Variants in CCDC88A observed in about 807,000 individuals in gnomAD.
CCDC88A encodes the protein coiled-coil and HOOK domain protein 88A.
CCDC88A carries 54 observed loss-of-function variants against 234.3 expected under a neutral mutation model. That is an observed-to-expected ratio of 0.23 (90% CI 0.19 to 0.29). CCDC88A has a LOEUF of 0.29. Ranked by LOEUF, CCDC88A falls within the 10% of genes least tolerant of loss-of-function variation. CCDC88A has a pLI of 1.00. For synonymous variants in CCDC88A, 753 were observed against 737.8 expected, an observed-to-expected ratio of 1.02 and a Z score of -0.33; for missense variants, 1,832 against 2,123.4, an observed-to-expected ratio of 0.86 and a Z score of 2.70.
chr2:55,291,812 G>C, intron 31 of CCDC88A, 37 bp from the exon 32 acceptor site: 1 of 1,508,274 alleles, frequency 6.6e-7, no homozygotes. Context: ...TTTAGTCAAA[G>C]ATGAAACAAA....
chr2:55,365,625 T>C (rs1671840954), intron 5 of CCDC88A, among the ~76,000 whole-genome samples: 1 of 152,188 alleles, frequency 6.6e-6, no homozygotes, highest in Admixed American at 6.6e-5. Flanking sequence ...ATGAAAATTT[T>C]CCCTTTACTC....
chr2:55,417,633 A>G (rs993799445), intron 2 of CCDC88A: 3 of 152,040 alleles, frequency 2.0e-5, no homozygotes, highest in African/African-American at 7.2e-5. Context: ...CACTGGTTGA[A>G]AATGTATAAT....
intron 11 of CCDC88A, 65 bp from the exon 12 acceptor site, chr2:55,343,857 C>G (rs1438734877): frequency 3.1e-6 from 4 of 1,273,430 alleles, no homozygotes; most frequent in Non-Finnish European, 4.3e-6. Flanking sequence ...TGAGCAAATA[C>G]TTTATTTCTC....
chr2:55,345,638 C>G (rs890461634), intron 10 of CCDC88A: 2 of 152,522 alleles, frequency 1.3e-5, no homozygotes, highest in African/African-American at 4.8e-5. Flanking sequence ...CTCAGGTGAT[C>G]TACCCACCTT....
chr2:55,387,207 T>C (rs908561958), intron 3 of CCDC88A, among the ~76,000 whole-genome samples: 2 of 141,030 alleles, frequency 1.4e-5, no homozygotes, highest in African/African-American at 5.3e-5. Context: ...AAAAGAAACA[T>C]TGGTTTTATT....
At position 55,335,370 on chromosome 2, in the gene CCDC88A, G is replaced by C. The variant is rs550829335; in HGVS notation, c.1657-206C>G. Reference sequence around the variant, plus strand: ...GAAGACCACTGTGTACACTTACTGTGAGGTCATTAAAGTTCATGTTTTTAG... The same window carrying C: ...GAAGACCACTGTGTACACTTACTGTCAGGTCATTAAAGTTCATGTTTTTAG... On this transcript the variant is annotated intron_variant, in intron 14 of 32. Transcript: ENST00000436346. The surrounding 1 kb of genome is among the most constrained non-coding windows in gnomAD (Gnocchi z 4.5). 9.3e-6 allele frequency among the ~76,000 whole-genome samples: 1 copy of C among 107,904 alleles called. No homozygotes were observed. Among genetic ancestry groups the C allele is most frequent in the Non-Finnish European group, 1.9e-5 (1 of 53,120 alleles). The allele number at this position is 107,904 out of a possible 152,430, so 70.8% of individuals were successfully genotyped here. A position where few individuals can be genotyped will look rare whatever the true frequency, so the allele number is the denominator to read the frequency against.
rs1685027014 is a variant in CCDC88A at position 55,332,412 on chromosome 2, G to A, written c.2855+154C>T. On this transcript the variant is annotated intron_variant, in intron 16 of 32. Coordinates refer to ENST00000436346, the MANE Select transcript of CCDC88A (RefSeq NM_001365480.1). This position sits in a 1 kb window ranked among gnomAD's most constrained non-coding sequence, Gnocchi z 4.5. ...GCTGGGATTATAGGTGTGAGCCACC[G>A]CACCCGGCTACAGAACTTTCCTTAA... The A allele has an allele frequency of 6.2e-6, 8 of 1,297,724 alleles. No homozygotes were observed. Among genetic ancestry groups the A allele is most frequent in the Non-Finnish European group, 6.9e-6 (7 of 1,017,788 alleles). 80.4% of individuals were successfully genotyped at this position (1,297,724 alleles called of 1,614,324 possible). A position where few individuals can be genotyped will look rare whatever the true frequency, so the allele number is the denominator to read the frequency against.
chr2:55,413,333 A>T (rs1558852456), intron 2 of CCDC88A, among the ~76,000 whole-genome samples: 1 of 152,194 alleles, frequency 6.6e-6, no homozygotes, highest in African/African-American at 2.4e-5. Context: ...CTGGGGATAT[A>T]GTGGGTCAAC....
intron 15 of CCDC88A, among the ~76,000 whole-genome samples, chr2:55,333,439 G>C (rs943704880): frequency 6.6e-6 from 1 of 152,168 alleles, no homozygotes; most frequent in Non-Finnish European, 1.5e-5. Flanking sequence ...TAGTTGCTCA[G>C]TGTTGAATGG....
chr2:55,398,149 C>A, intron 2 of CCDC88A, among the ~76,000 whole-genome samples: 1 of 152,144 alleles, frequency 6.6e-6, no homozygotes, highest in East Asian at 1.9e-4. Context: ...TGCTTTGTGT[C>A]TACAAATCTA....
intron 2 of CCDC88A, among the ~76,000 whole-genome samples, chr2:55,416,431 A>ATATATATAT (rs60338557): frequency 4.3e-5 from 2 of 46,074 alleles, no homozygotes; most frequent in Non-Finnish European, 5.5e-5. Flanking sequence ...AGGTCAAATA[A>ATATATATAT]ATAAATAAAT....
In CCDC88A at chr2:55,362,379, T is replaced by A. The variant is rs759474528; in HGVS notation, c.556A>T (p.Ile186Leu). 1 of 1,605,620 alleles carries A rather than the reference T, an allele frequency of 6.2e-7. No individual in the cohort carries two copies. The highest frequency in any genetic ancestry group is 8.5e-7 in the Non-Finnish European group (1 of 1,176,652). Residue 186 changes from isoleucine to leucine, a missense_variant, in exon 7 of 33, where the codon ATA (isoleucine) becomes TTA (leucine). Physicochemically the swap from Ile to Leu is conservative, Grantham distance 5. Coordinates refer to ENST00000436346, the MANE Select transcript of CCDC88A (RefSeq NM_001365480.1). Reference sequence around the variant, plus strand: ...GCCATATTTTTCAAGAGTGGTTCTATGTCCTCCTGCGACATATCAGTCACT... The same window carrying A: ...GCCATATTTTTCAAGAGTGGTTCTAAGTCCTCCTGCGACATATCAGTCACT... The part of the protein sequence containing the change: ...MEVTDMSQED[I>L]EPLLKNMALH...
chr2:55,322,422 G>T, intron 18 of CCDC88A, 106 bp downstream of exon 18: 1 of 668,016 alleles, frequency 1.5e-6, no homozygotes, highest in Non-Finnish European at 2.5e-6. Context: ...TTCTTATTAA[G>T]TGCCATCAAT....
intron 9 of CCDC88A, among the ~76,000 whole-genome samples, chr2:55,347,572 T>G (rs568384364): frequency 6.6e-6 from 1 of 150,650 alleles, no homozygotes; most frequent in East Asian, 2.0e-4. Context: ...TAACGGTTAT[T>G]TCATTAAAAT....
chr2:55,402,935 G>A (rs1678961941), intron 2 of CCDC88A, among the ~76,000 whole-genome samples: 1 of 151,926 alleles, frequency 6.6e-6, no homozygotes, highest in Non-Finnish European at 1.5e-5. Context: ...CGTGAACCCA[G>A]GAGGCAGAGC....
chr2:55,379,606 T>G (rs934480675), intron 3 of CCDC88A, among the ~76,000 whole-genome samples: 1 of 152,192 alleles, frequency 6.6e-6, no homozygotes, highest in Non-Finnish European at 1.5e-5. Context: ...CAAGTAAGTG[T>G]TTTTGGTGAT....
intron 2 of CCDC88A, among the ~76,000 whole-genome samples, chr2:55,396,792 C>A (rs1677657712): frequency 6.7e-6 from 1 of 148,422 alleles, no homozygotes; most frequent in Admixed American, 6.9e-5. Context: ...ATGGCATGAA[C>A]CCGGGAGGCT....
intron 18 of CCDC88A, among the ~76,000 whole-genome samples, chr2:55,320,286 C>T (rs1318536757): frequency 1.3e-5 from 2 of 151,970 alleles, no homozygotes; most frequent in Non-Finnish European, 2.9e-5. Flanking sequence ...ACAAGCTCTA[C>T]CGATTATTCC....
intron 5 of CCDC88A, among the ~76,000 whole-genome samples, chr2:55,370,736 G>T (rs577220247): frequency 6.6e-6 from 1 of 151,446 alleles, no homozygotes; most frequent in Non-Finnish European, 1.5e-5. Flanking sequence ...GGCCAGGCAG[G>T]GTGGCTCATG....
Sources: gnomAD v4.1 joint callset for allele counts (sites outside exome capture counted in the v4.1 genomes callset) on GRCh38, gnomAD v4.1.1 for gene constraint, Gnocchi (gnomAD v3.1) non-coding constraint, MANE v1.5 for transcripts, NCBI Gene and HGNC (gene_info 2026-07-23, HGNC 2026-07-21) for gene names.